The following SGO2 variants were observed in gnomAD, a reference collection of about 807,000 sequenced individuals.
SGO2 encodes the protein shugoshin-like 2.
A neutral mutation model predicts 99.5 loss-of-function variants in SGO2; 68 were observed. That is an observed-to-expected ratio of 0.68 (90% CI 0.56 to 0.84). The LOEUF (loss-of-function observed/expected upper bound fraction) is 0.84, where lower values mean the gene tolerates loss of function less well. Among genes scored for constraint, SGO2 ranks in the 40% least tolerant of loss-of-function variants. The pLI, the probability that SGO2 is intolerant of heterozygous loss-of-function variation, is 0.00. For synonymous variants in SGO2, 457 were observed against 487.1 expected, an observed-to-expected ratio of 0.94 and a Z score of 0.81; for missense variants, 1,350 against 1,436.7, an observed-to-expected ratio of 0.94 and a Z score of 0.97.
chr2:200,583,396 C>G (rs905803815), intron 8 of SGO2, 53 bp from the exon 9 acceptor site: 1 of 1,509,638 alleles, frequency 6.6e-7, no homozygotes, highest in Admixed American at 2.0e-5. Flanking sequence ...TGCTTCACAG[C>G]AAAAGCATTA....
Position 200,532,181 on chromosome 2 carries a change from CAT to C in SGO2, c.-2-791_-2-790del, listed in dbSNP as rs1452326797. 2.0e-5 allele frequency among the ~76,000 whole-genome samples: 3 copies of C among 150,982 alleles called. No individual in the cohort carries two copies. The East Asian group carries it at 5.8e-4, about 29-fold the overall frequency. Reference sequence around the variant, plus strand: ...TAAAGTGAGCTGAGTCCTGGATTGACATAGTGAGCTGAGTCCTGTGGACTCAA... The same window carrying C: ...TAAAGTGAGCTGAGTCCTGGATTGACAGTGAGCTGAGTCCTGTGGACTCAA... On this transcript the variant is annotated intron_variant, in intron 1 of 8. Transcript: ENST00000357799.
intron 2 of SGO2, among the ~76,000 whole-genome samples, chr2:200,533,769 T>C (rs1428700650): frequency 6.6e-6 from 1 of 152,116 alleles, no homozygotes; most frequent in South Asian, 2.1e-4. Context: ...TCTGCTGATA[T>C]AGCTCCTGCG....
rs939522757 is a variant in SGO2 at position 200,569,886 on chromosome 2, C to T, written c.697C>T (p.Pro233Ser). The T allele has an allele frequency of 1.9e-6, 3 of 1,565,548 alleles. No homozygotes were observed. Among genetic ancestry groups the T allele is most frequent in the South Asian group, 1.1e-5 (1 of 88,390 alleles). The change falls in exon 6 of 9, where the codon CCC becomes TCC. Residue 233 changes from proline to serine, a missense_variant. By Grantham distance (74) the Pro-to-Ser change is moderately conservative. Coordinates refer to ENST00000357799, the MANE Select transcript of SGO2 (RefSeq NM_152524.6). Reference protein sequence around the residue: ...EHISSIVDVPPRESHSHSDQS... With the variant: ...EHISSIVDVPSRESHSHSDQS... The stretch of plus-strand genomic sequence containing the variant: ...TATTTCTTCTATAGTTGATGTACCT[C>T]CCAGAGGTGAGATTGTTTTAAAAAT...
intron 5 of SGO2, among the ~76,000 whole-genome samples, chr2:200,561,777 T>G (rs1308499308): frequency 6.6e-6 from 1 of 152,162 alleles, no homozygotes; most frequent in Admixed American, 6.5e-5. Context: ...GGTATCTCAT[T>G]GTGGTTTTGA....
chr2:200,566,843 C>T (rs556762953), intron 5 of SGO2, among the ~76,000 whole-genome samples: 2 of 152,362 alleles, frequency 1.3e-5, no homozygotes, highest in African/African-American at 4.8e-5. Context: ...AAGAGCGAGG[C>T]TCCGTGGGCG....
At chr2:200,535,366 A>G (rs1255431006) in intron 3 of SGO2, among the ~76,000 whole-genome samples, 195 bp downstream of exon 3, 1 of 152,174 alleles carries the variant, frequency 6.6e-6, no homozygotes, top group Non-Finnish European at 1.5e-5. Context: ...TACATTCTAA[A>G]TGTGTGCTTG....
intron 5 of SGO2, among the ~76,000 whole-genome samples, chr2:200,567,773 G>A (rs1325822755): frequency 1.3e-5 from 2 of 152,104 alleles, no homozygotes; most frequent in East Asian, 3.8e-4. Flanking sequence ...TCATGTTGTA[G>A]CACATATGAG....
Position 200,571,375 on chromosome 2 carries a change from G to A in SGO2, c.1029G>A (p.Glu343=). The change falls in exon 7 of 9, where the codon GAG becomes GAA. Residue 343 remains glutamate, a synonymous_variant. Transcript: ENST00000357799. The part of the protein sequence containing the change: ...SSESAREPNA[E]CMNQIEDNDD... ...AGTCTGCCAGAGAACCTAATGCAGA[G>A]TGCATGAATCAAATTGAGGATAATG... The A allele has an allele frequency of 6.2e-7, 1 of 1,611,544 alleles. No individual in the cohort carries two copies.
intron 1 of SGO2, among the ~76,000 whole-genome samples, chr2:200,527,854 G>A (rs1017150726): frequency 6.6e-6 from 1 of 152,226 alleles, no homozygotes; most frequent in Admixed American, 6.5e-5. Flanking sequence ...ATAAGTTAAC[G>A]GAGAAAAATA....
rs138245091 is a variant in SGO2, at chr2:200,573,619, G to A, written c.3273G>A (p.Glu1091=). Residue 1091 remains glutamate, a synonymous_variant, in exon 7 of 9, where the codon GAG becomes GAA. Coordinates refer to ENST00000357799, the MANE Select transcript of SGO2 (RefSeq NM_152524.6). ...AGACCTCCATAGATCCTTCTCCAGA[G>A]AGCCATGAAGTAATGGAAAGAATAC... ...KRKTSIDPSP[E]SHEVMERILD... The A allele has an allele frequency of 4.7e-5, 75 of 1,611,970 alleles. No individual in the cohort carries two copies. Among genetic ancestry groups the A allele is most frequent in the Non-Finnish European group, 4.8e-5 (57 of 1,179,230 alleles).
chr2:200,560,672 A>G (rs2032903918), intron 5 of SGO2, among the ~76,000 whole-genome samples: 1 of 152,010 alleles, frequency 6.6e-6, no homozygotes, highest in African/African-American at 2.4e-5. Context: ...ATTTGCTAAT[A>G]TTTTCTTTAA....
In SGO2 at chr2:200,571,094, A is replaced by G. The variant is rs774654677; in HGVS notation, c.748A>G (p.Ser250Gly). 4 of 1,610,778 alleles carry G rather than the reference A, an allele frequency of 2.5e-6. No individual in the cohort carries two copies. The highest frequency in any genetic ancestry group is 1.7e-4 in the Middle Eastern group (1 of 6,036). Residue 250 changes from serine (S) to glycine (G), a missense_variant, in exon 7 of 9, where the codon AGT becomes GGT. Coordinates refer to ENST00000357799, the MANE Select transcript of SGO2 (RefSeq NM_152524.6). ...CCAAAGTTCTAAGACTTCTCTAATG[A>G]GTGAGATGAGAAACGCCCAGTCTAT... is the stretch of plus-strand genomic sequence containing the variant. ...SDQSSKTSLM[S>G]EMRNAQSIGR...
At chr2:200,535,323 T>C in intron 3 of SGO2, 152 bp downstream of exon 3, 2 of 600,218 alleles carry the variant, frequency 3.3e-6, no homozygotes, top group Non-Finnish European at 5.4e-6. Context: ...AAGTACAAAC[T>C]GTTAATGGGT....
chr2:200,539,098 G>T lies in SGO2; in HGVS notation c.387+2956G>T, dbSNP rs562323040. ...GTATTATAATTGTTTTTCTTTAAAG[G>T]TTTTGTAGAATTATTCTGTGAAACC... On this transcript the variant is annotated intron_variant, in intron 4 of 8. Coordinates refer to ENST00000357799, the MANE Select transcript of SGO2 (RefSeq NM_152524.6). Among the ~76,000 whole-genome samples, 11 of 152,104 alleles carry T rather than the reference G, an allele frequency of 7.2e-5. No homozygotes were observed. The South Asian group carries it at 2.3e-3, about 32-fold the overall frequency.
intron 4 of SGO2, among the ~76,000 whole-genome samples, chr2:200,537,070 C>T (rs1054162290): frequency 1.9e-4 from 29 of 152,016 alleles, no homozygotes; most frequent in African/African-American, 6.8e-4. Flanking sequence ...GGGATCTCTC[C>T]ATATGATTAT....
intron 2 of SGO2, among the ~76,000 whole-genome samples, chr2:200,534,355 C>T (rs1208400542): frequency 1.3e-5 from 2 of 152,148 alleles, no homozygotes; most frequent in Non-Finnish European, 2.9e-5. Context: ...ATCATATTTA[C>T]ATAGTGCTTT....
rs1362953665 is a variant in SGO2, at chr2:200,569,684, TGATGAA to T, written c.505_510del (p.Glu169_Asp170del). ...TTAGGGTTCCATTAACTTCAAATGA[TGATGAA>T]GATGAAGATAAAGAGAAAATGCAGT... On this transcript the variant is annotated inframe_deletion, in exon 6 of 9. Transcript: ENST00000357799. 1 of 1,607,790 alleles carries T rather than the reference TGATGAA, an allele frequency of 6.2e-7. No homozygotes were observed. Among genetic ancestry groups the T allele is most frequent in the Non-Finnish European group, 8.5e-7 (1 of 1,177,162 alleles).
In SGO2 at chr2:200,572,847, A is replaced by G. The variant is rs957859421; in HGVS notation, c.2501A>G (p.His834Arg). ...TATGAGAATGATAACAAAGGTGTAC[A>G]TGACCTAGAAAAAGATAACTTCTTC... ...QIYENDNKGV[H>R]DLEKDNFFSL... Residue 834 changes from histidine to arginine, a missense_variant, in exon 7 of 9, where the codon CAT (histidine) becomes CGT (arginine). Coordinates refer to ENST00000357799, the MANE Select transcript of SGO2 (RefSeq NM_152524.6). 3 of 1,600,746 alleles carry G rather than the reference A, an allele frequency of 1.9e-6. No individual in the cohort carries two copies. The highest frequency in any genetic ancestry group is 2.2e-5 in the East Asian group (1 of 44,802).
chr2:200,527,613 A>G (rs1051610503), intron 1 of SGO2, among the ~76,000 whole-genome samples: 2 of 152,184 alleles, frequency 1.3e-5, no homozygotes, highest in Admixed American at 1.3e-4. Flanking sequence ...AACACTTTCA[A>G]AGGAGACCCA....
Sources: gnomAD v4.1 joint callset for allele counts (sites outside exome capture counted in the v4.1 genomes callset) on GRCh38, gnomAD v4.1.1 for gene constraint, MANE v1.5 for transcripts, NCBI Gene and HGNC (gene_info 2026-07-23, HGNC 2026-07-21) for gene names.